C10orf90: variants seen among roughly 807,000 people sequenced by gnomAD.
C10orf90 encodes chromosome 10 open reading frame 90.
A neutral mutation model predicts 62.5 loss-of-function variants in C10orf90; 56 were observed. The ratio of observed to expected loss-of-function variants is 0.90; its 90% CI spans 0.72 to 1.12. The LOEUF (loss-of-function observed/expected upper bound fraction) is 1.12. C10orf90 is among the 50% of genes most tolerant of loss of function. The probability of loss-of-function intolerance (pLI) is 0.00; values close to 1 mark genes in which losing one functional copy is unlikely to be tolerated. For missense variants in C10orf90, 970 were observed against 880.4 expected, an observed-to-expected ratio of 1.10 and a Z score of -1.29; for synonymous variants, 386 against 340.4, an observed-to-expected ratio of 1.13 and a Z score of -1.47.
intron 2 of C10orf90, among the ~76,000 whole-genome samples, chr10:126,555,887 G>C (rs1056395894): frequency 2.0e-5 from 3 of 152,068 alleles, no homozygotes; most frequent in Non-Finnish European, 4.4e-5. Flanking sequence ...TAGAAATAGA[G>C]AGAAATGACT....
At chr10:126,532,857 ATAGTGAGCAC>A (rs2133957580) in intron 2 of C10orf90, among the ~76,000 whole-genome samples, 1 of 77,770 alleles carries the variant, frequency 1.3e-5, no homozygotes, top group African/African-American at 3.3e-5. Context: ...AAAAAAAAAA[ATAGTGAGCAC>A]AAAACAAGTG....
intron 8 of C10orf90, among the ~76,000 whole-genome samples, chr10:126,428,079 A>G (rs1321672855): frequency 2.6e-5 from 4 of 152,206 alleles, no homozygotes; most frequent in Admixed American, 6.5e-5. Flanking sequence ...CGACAAAGAA[A>G]ATAATCTATC....
intron 7 of C10orf90, among the ~76,000 whole-genome samples, chr10:126,444,830 A>T (rs1351941136): frequency 6.6e-6 from 1 of 152,186 alleles, no homozygotes; most frequent in Non-Finnish European, 1.5e-5. Flanking sequence ...AGGCACATAG[A>T]ACAATGGAAC....
intron 2 of C10orf90, among the ~76,000 whole-genome samples, chr10:126,573,945 G>A (rs1322004323): frequency 2.0e-5 from 3 of 152,142 alleles, no homozygotes; most frequent in Non-Finnish European, 2.9e-5. Context: ...TGCTCTGGGG[G>A]ACTTACTTTT....
At chr10:126,567,438 C>T (rs1196937343) in intron 2 of C10orf90, among the ~76,000 whole-genome samples, 2 of 152,158 alleles carry the variant, frequency 1.3e-5, no homozygotes, top group East Asian at 3.9e-4. Flanking sequence ...CAGGCCCCTC[C>T]TCCAACACTG....
chr10:126,431,954 C>A (rs1857597824), intron 7 of C10orf90, among the ~76,000 whole-genome samples: 1 of 152,166 alleles, frequency 6.6e-6, no homozygotes, highest in African/African-American at 2.4e-5. Flanking sequence ...ACTTTTGATT[C>A]TGGGCCCAGC....
In C10orf90 at chr10:126,425,790, C is replaced by A; in HGVS notation, c.*74G>T. 1 of 1,448,820 alleles carries A rather than the reference C, an allele frequency of 6.9e-7. No individual in the cohort carries two copies. The highest frequency in any genetic ancestry group is 9.4e-7 in the Non-Finnish European group (1 of 1,066,454). The allele number at this position is 1,448,820 out of a possible 1,614,324, so 89.7% of individuals were successfully genotyped here. On this transcript the variant is annotated 3_prime_UTR_variant, in exon 10 of 10. Coordinates refer to ENST00000488181, the MANE Select transcript of C10orf90 (RefSeq NM_001350921.2). ...GTGTTTTCCCATGATGAAGATAATG[C>A]TAAGTTTAATGGCTTATCCAGCATT...
At chr10:126,460,005 C>T (rs952838715) in intron 6 of C10orf90, among the ~76,000 whole-genome samples, 3 of 152,216 alleles carry the variant, frequency 2.0e-5, no homozygotes, top group Admixed American at 6.5e-5. Flanking sequence ...AACTGAGGCT[C>T]ATGGTAGTTT....
In C10orf90 at chr10:126,611,461, C is replaced by T. The variant is rs1188070925; in HGVS notation, c.313+35104G>A. 1.1e-4 allele frequency among the ~76,000 whole-genome samples: 16 copies of T among 152,066 alleles called. No individual in the cohort carries two copies. The East Asian group carries it at 1.2e-3, about 11-fold the overall frequency. ...TTAGGAGTAATGCTGCTATTTGGAA[C>T]ATTTGTGTACAAGTTTTATGTGAAC... On this transcript the variant is annotated intron_variant, in intron 2 of 9. Coordinates refer to ENST00000488181, the MANE Select transcript of C10orf90 (RefSeq NM_001350921.2).
chr10:126,622,198 T>C (rs1845656986), intron 2 of C10orf90, among the ~76,000 whole-genome samples: 2 of 152,178 alleles, frequency 1.3e-5, no homozygotes, highest in Admixed American at 6.5e-5. Flanking sequence ...TGGGACATAG[T>C]AGCAATCAAA....
rs56133442 is a variant in C10orf90, at chr10:126,637,011, C to T, written c.313+9554G>A. Among the ~76,000 whole-genome samples, 517 of 151,936 alleles carry T rather than the reference C, an allele frequency of 3.4e-3. 3 individuals carry two copies. The highest frequency in any genetic ancestry group is 0.012 in the African/African-American group (504 of 41,458). ...TATTATTTTTCTCTTGGGGGGCGCT[C>T]TTGATATACAACTAACAATTAATAA... On this transcript the variant is annotated intron_variant, in intron 2 of 9. Transcript: ENST00000488181.
intron 4 of C10orf90, among the ~76,000 whole-genome samples, chr10:126,493,750 A>C (rs1029347562): frequency 1.3e-5 from 2 of 152,216 alleles, no homozygotes; most frequent in Admixed American, 1.3e-4. Context: ...TCTAAGCAAC[A>C]TTTCAGTGAA....
intron 4 of C10orf90, among the ~76,000 whole-genome samples, chr10:126,494,535 C>A (rs1285088284): frequency 6.6e-6 from 1 of 152,142 alleles, no homozygotes; most frequent in Non-Finnish European, 1.5e-5. Context: ...GTGGGGCGCA[C>A]ATGAATAGCA....
intron 4 of C10orf90, among the ~76,000 whole-genome samples, chr10:126,477,976 C>T (rs1448528387): frequency 2.0e-5 from 3 of 152,214 alleles, no homozygotes; most frequent in Non-Finnish European, 4.4e-5. Flanking sequence ...ACTCACGCCC[C>T]TGGCAGAGTC....
At chr10:126,429,707 C>A in intron 8 of C10orf90, 80 bp downstream of exon 8, 4 of 1,124,982 alleles carry the variant, frequency 3.6e-6, no homozygotes, top group Non-Finnish European at 5.4e-6. Flanking sequence ...AGCAGTGGTC[C>A]CATTGGAGGG....
intron 4 of C10orf90, among the ~76,000 whole-genome samples, chr10:126,488,446 A>G (rs1350269049): frequency 6.6e-6 from 1 of 152,140 alleles, no homozygotes; most frequent in Non-Finnish European, 1.5e-5. Context: ...TTAAGAATCT[A>G]CAAAAAATAA....
At chr10:126,604,788 A>C (rs541475282) in intron 2 of C10orf90, among the ~76,000 whole-genome samples, 71 of 152,332 alleles carry the variant, frequency 4.7e-4, no homozygotes, top group African/African-American at 1.6e-3. Flanking sequence ...AGCTACATGG[A>C]TCCATTTTAA....
intron 2 of C10orf90, among the ~76,000 whole-genome samples, chr10:126,585,354 C>T (rs1227723941): frequency 8.3e-5 from 4 of 48,014 alleles, no homozygotes; most frequent in South Asian, 1.2e-3. Flanking sequence ...AGGCAGGGAG[C>T]GAGGGGGGGA....
chr10:126,638,115 C>T (rs904528011), intron 2 of C10orf90, among the ~76,000 whole-genome samples: 2 of 152,268 alleles, frequency 1.3e-5, no homozygotes, highest in South Asian at 2.1e-4. Context: ...GAGTTCAGAG[C>T]GATGGCGGGC....
Sources: gnomAD v4.1 joint callset for allele counts (sites outside exome capture counted in the v4.1 genomes callset) on GRCh38, gnomAD v4.1.1 for gene constraint, MANE v1.5 for transcripts, NCBI Gene and HGNC (gene_info 2026-07-23, HGNC 2026-07-21) for gene names.